Variants in NELL1 observed in about 807,000 individuals in gnomAD.
The protein encoded by NELL1 is protein kinase C-binding protein NELL1.
Under a neutral mutation model 107.4 loss-of-function variants are expected in NELL1, and 76 were observed. That is an observed-to-expected ratio of 0.71 (90% CI 0.59 to 0.86). NELL1 has a LOEUF of 0.86. Among genes scored for constraint, NELL1 ranks in the 40% least tolerant of loss-of-function variants. The probability of loss-of-function intolerance (pLI) is 0.00; values close to 1 mark genes in which losing one functional copy is unlikely to be tolerated. For missense variants in NELL1, 1,024 were observed against 1,005.5 expected, an observed-to-expected ratio of 1.02 and a Z score of -0.25; for synonymous variants, 353 against 341.2, an observed-to-expected ratio of 1.03 and a Z score of -0.38.
intron 14 of NELL1, among the ~76,000 whole-genome samples, chr11:21,369,168 G>A (rs932893602): frequency 6.6e-6 from 1 of 151,888 alleles, no homozygotes; most frequent in East Asian, 1.9e-4. Context: ...CCTTCTTTTG[G>A]TGCTACTTAA....
intron 13 of NELL1, among the ~76,000 whole-genome samples, chr11:21,158,727 C>T (rs578177704): frequency 7.7e-4 from 118 of 152,272 alleles, no homozygotes; most frequent in African/African-American, 2.8e-3. Context: ...TATGGACTTC[C>T]TTTAAGTAGG....
chr11:21,541,659 G>C (rs1308758739), intron 16 of NELL1, among the ~76,000 whole-genome samples: 1 of 152,084 alleles, frequency 6.6e-6, no homozygotes, highest in East Asian at 1.9e-4. Context: ...GGGGTTTTAA[G>C]GACATTAAGC....
intron 5 of NELL1, among the ~76,000 whole-genome samples, chr11:20,900,080 T>A (rs1849839181): frequency 6.6e-6 from 1 of 152,188 alleles, no homozygotes; most frequent in Admixed American, 6.5e-5. Flanking sequence ...TGCTGGATTT[T>A]ATTCTCCATG....
chr11:21,034,623 T>G (rs1308761806), intron 12 of NELL1, among the ~76,000 whole-genome samples: 1 of 152,176 alleles, frequency 6.6e-6, no homozygotes, highest in Non-Finnish European at 1.5e-5. Context: ...TACATGGAAA[T>G]TTAATAATAT....
chr11:21,392,994 AT>A (rs35582724), intron 15 of NELL1, among the ~76,000 whole-genome samples: 77,252 of 149,266 alleles, frequency 0.52, 19,863 homozygotes, highest in South Asian at 0.54. Context: ...TTAAGTCAGA[AT>A]TTTTTTTTTT....
At chr11:21,196,545 A>G (rs372235029) in intron 13 of NELL1, among the ~76,000 whole-genome samples, 8 of 151,978 alleles carry the variant, frequency 5.3e-5, no homozygotes, top group East Asian at 1.9e-4. Flanking sequence ...TCTGCATTTC[A>G]TCTAAGTCTT....
At chr11:20,812,900 C>T (rs1477676063) in intron 3 of NELL1, among the ~76,000 whole-genome samples, 4 of 149,572 alleles carry the variant, frequency 2.7e-5, no homozygotes, top group African/African-American at 7.4e-5. Flanking sequence ...CCCAGCTACT[C>T]GGGAGGCTGA....
intron 2 of NELL1, among the ~76,000 whole-genome samples, chr11:20,690,291 A>G (rs1854427611): frequency 6.6e-6 from 1 of 151,984 alleles, no homozygotes; most frequent in Non-Finnish European, 1.5e-5. Flanking sequence ...GTTTAATTAG[A>G]TCCCATTTGT....
chr11:21,493,709 C>G (rs1854896728), intron 15 of NELL1, among the ~76,000 whole-genome samples: 1 of 151,840 alleles, frequency 6.6e-6, no homozygotes, highest in Non-Finnish European at 1.5e-5. Flanking sequence ...CTATAGTTAG[C>G]AAGAATGTAT....
At chr11:21,432,943 C>T (rs1170410463) in intron 15 of NELL1, among the ~76,000 whole-genome samples, 1 of 152,092 alleles carries the variant, frequency 6.6e-6, no homozygotes, top group African/African-American at 2.4e-5. Flanking sequence ...AGTGGTACAA[C>T]ACACTAGAAG....
At chr11:20,760,549 TCCTC>T (rs777367542) in intron 2 of NELL1, among the ~76,000 whole-genome samples, 260 of 152,240 alleles carry the variant, frequency 1.7e-3, no homozygotes, top group Non-Finnish European at 2.8e-3. Flanking sequence ...AGTTTCTCTG[TCCTC>T]AAGGGCATGG....
chr11:21,228,546 G>A (rs1332715602), intron 13 of NELL1, among the ~76,000 whole-genome samples: 1 of 152,040 alleles, frequency 6.6e-6, no homozygotes, highest in Non-Finnish European at 1.5e-5. Context: ...TGTGACCAGT[G>A]GTACTCCTTC....
intron 16 of NELL1, among the ~76,000 whole-genome samples, chr11:21,539,898 C>G (rs1856249401): frequency 6.6e-6 from 1 of 151,848 alleles, no homozygotes; most frequent in South Asian, 2.1e-4. Context: ...CTGCCCTCTT[C>G]TACCCAGTAT....
intron 2 of NELL1, among the ~76,000 whole-genome samples, chr11:20,767,377 A>T (rs1590275130): frequency 6.6e-6 from 1 of 152,152 alleles, no homozygotes; most frequent in East Asian, 1.9e-4. Flanking sequence ...CATTTTACAG[A>T]TTGCTCATTG....
At chr11:20,762,688 G>A (rs1339680843) in intron 2 of NELL1, among the ~76,000 whole-genome samples, 2 of 152,152 alleles carry the variant, frequency 1.3e-5, no homozygotes, top group African/African-American at 4.8e-5. Context: ...TACAGCCATC[G>A]TTACACATAA....
chr11:21,518,418 T>G (rs1855628983), intron 15 of NELL1, among the ~76,000 whole-genome samples: 1 of 152,218 alleles, frequency 6.6e-6, no homozygotes, highest in African/African-American at 2.4e-5. Flanking sequence ...TTATTGATCA[T>G]GTCTGCATAA....
Position 20,885,520 on chromosome 11 carries a change from CA to C in NELL1, c.587del (p.Lys196SerfsTer22). 1 of 1,609,606 alleles carries C rather than the reference CA, an allele frequency of 6.2e-7. No individual in the cohort carries two copies. Among genetic ancestry groups the C allele is most frequent in the Non-Finnish European group, 8.5e-7 (1 of 1,175,962 alleles). ...CAATTTATGGCTTGGCCAGCGCAAC[CA>C]AAAGCATGGCTTATTCAAAGTAAGC... ...GINLWLGQRN[Q>X]KHGLFKGIIQ... is the part of the protein sequence containing the mutation. On this transcript the variant is annotated frameshift_variant, in exon 5 of 20. Coordinates refer to ENST00000357134, the MANE Select transcript of NELL1 (RefSeq NM_006157.5). LOFTEE classifies it high-confidence loss of function.
At chr11:21,050,015 T>TTG (rs1425554476) in intron 12 of NELL1, among the ~76,000 whole-genome samples, 4 of 152,152 alleles carry the variant, frequency 2.6e-5, no homozygotes, top group African/African-American at 9.7e-5. Context: ...AAGCGTTAGT[T>TTG]TGACAACTGA....
chr11:20,998,404 G>A (rs796610379), intron 12 of NELL1, among the ~76,000 whole-genome samples: 3 of 152,090 alleles, frequency 2.0e-5, no homozygotes, highest in African/African-American at 7.2e-5. Flanking sequence ...GCTGAATTTT[G>A]TTTGTTACCC....
Sources: gnomAD v4.1 joint callset for allele counts (sites outside exome capture counted in the v4.1 genomes callset) on GRCh38, gnomAD v4.1.1 for gene constraint, MANE v1.5 for transcripts, NCBI Gene and HGNC (gene_info 2026-07-23, HGNC 2026-07-21) for gene names.